The following SH3GL3 variants were observed in gnomAD, a reference collection of about 807,000 sequenced individuals.
SH3GL3 encodes SH3 domain containing GRB2 like 3, endophilin A3.
SH3GL3 carries 33 observed loss-of-function variants against 47.7 expected under a neutral mutation model. That is an observed-to-expected ratio of 0.69 (90% CI 0.52 to 0.92). The LOEUF (loss-of-function observed/expected upper bound fraction) is 0.92, where lower values mean the gene tolerates loss of function less well. SH3GL3 is among the 40% of genes least tolerant of loss of function. SH3GL3 has a pLI of 0.00. For synonymous variants in SH3GL3, 155 were observed against 148.8 expected (o/e 1.04, Z -0.30); for missense variants, 363 against 417.8 (o/e 0.87, Z 1.14).
rs774585415 is a variant in SH3GL3 at position 83,568,533 on chromosome 15, C to T, written c.192C>T (p.Tyr64=). Residue 64 remains tyrosine (Y), a synonymous_variant, in exon 4 of 9, where the codon TAC becomes TAT. Transcript: ENST00000427482. ...ACAAATGACAATGTTTTTAAGCATA[C>T]AGAGCTAAGCTAGGAATGCTGAACA... The part of the protein sequence containing the change: ...TTEYLQPNPA[Y]RAKLGMLNTV... 6 of 1,612,068 alleles carry T rather than the reference C, an allele frequency of 3.7e-6. No individual in the cohort carries two copies. The African/African-American group carries it at 8.0e-5, about 22-fold the overall frequency.
chr15:83,622,862 C>T (rs1001472870), downstream of SH3GL3, among the ~76,000 whole-genome samples: 5 of 152,244 alleles, frequency 3.3e-5, no homozygotes, highest in Non-Finnish European at 7.3e-5. Context: ...ATCGCCTCTC[C>T]TACTGGCCTC....
At chr15:83,462,329 T>G (rs182318920) in intron 1 of SH3GL3, among the ~76,000 whole-genome samples, 1 of 152,236 alleles carries the variant, frequency 6.6e-6, no homozygotes, top group South Asian at 2.1e-4. Flanking sequence ...CTTGACAGGA[T>G]AATGCCATAA....
Position 83,482,596 on chromosome 15 carries a change from C to T in SH3GL3, c.45+35018C>T, listed in dbSNP as rs142750689. On this transcript the variant is annotated intron_variant, in intron 1 of 8. Transcript: ENST00000427482. ...GCAGCCTCCACCTCCCAGGTTCAAG[C>T]GATTCTCCTGCCTCAGCCTCCGGAG... Among the ~76,000 whole-genome samples the T allele has an allele frequency of 6.8e-3, 1,038 of 151,906 alleles. 9 individuals are homozygous for T. Among genetic ancestry groups the T allele is most frequent in the African/African-American group, 0.024 (981 of 41,424 alleles).
intron 1 of SH3GL3, among the ~76,000 whole-genome samples, chr15:83,449,161 G>A (rs1482569520): frequency 6.6e-6 from 1 of 152,216 alleles, no homozygotes; most frequent in East Asian, 1.9e-4. Flanking sequence ...GTTTAGCCCA[G>A]TAATTGTTGA....
intron 1 of SH3GL3, among the ~76,000 whole-genome samples, chr15:83,491,077 A>G (rs2041853606): frequency 6.6e-6 from 1 of 152,186 alleles, no homozygotes. Flanking sequence ...TCTAATGTCT[A>G]ATGTGTGCTG....
intron 1 of SH3GL3, among the ~76,000 whole-genome samples, chr15:83,483,357 C>A (rs950954879): frequency 2.2e-4 from 34 of 152,310 alleles, no homozygotes; most frequent in African/African-American, 8.2e-4. Flanking sequence ...GATAGCCACT[C>A]ACCATGCATG....
At chr15:83,506,027 G>T (rs147878223) in intron 1 of SH3GL3, among the ~76,000 whole-genome samples, 2 of 152,160 alleles carry the variant, frequency 1.3e-5, no homozygotes, top group East Asian at 1.9e-4. Context: ...TTTGATAAAA[G>T]AAATTATTTT....
chr15:83,477,827 G>C (rs997292461), intron 1 of SH3GL3, among the ~76,000 whole-genome samples: 2 of 152,124 alleles, frequency 1.3e-5, no homozygotes, highest in Admixed American at 6.5e-5. Context: ...TTTGGAGTTT[G>C]TCATCAAAAT....
intron 2 of SH3GL3, 22 bp from the exon 3 acceptor site, chr15:83,565,112 T>G (rs2045471424): frequency 8.6e-7 from 1 of 1,164,508 alleles, no homozygotes; most frequent in African/African-American, 1.5e-5. Flanking sequence ...TTTACTAACT[T>G]TTTTTAAATT....
chr15:83,625,554 G>A, the SH3GL3 span, among the ~76,000 whole-genome samples: 1 of 152,114 alleles, frequency 6.6e-6, no homozygotes, highest in Non-Finnish European at 1.5e-5. Flanking sequence ...TCCTTTCGCT[G>A]TTGTGGTTAT....
intron 4 of SH3GL3, among the ~76,000 whole-genome samples, chr15:83,571,043 C>G (rs1392417386): frequency 6.6e-6 from 1 of 152,198 alleles, no homozygotes; most frequent in African/African-American, 2.4e-5. Flanking sequence ...GCATCAGGAA[C>G]AGATGGATTT....
At chr15:83,529,085 T>C (rs1596188217) in intron 1 of SH3GL3, among the ~76,000 whole-genome samples, 1 of 152,204 alleles carries the variant, frequency 6.6e-6, no homozygotes, top group African/African-American at 2.4e-5. Flanking sequence ...GCATGGTGTC[T>C]GTGATTGTCT....
rs1443049629 is a variant in SH3GL3, at chr15:83,447,876, A to G, written c.45+298A>G. Among the ~76,000 whole-genome samples the G allele has an allele frequency of 6.6e-6, 1 of 151,854 alleles. No homozygotes were observed. The highest frequency in any genetic ancestry group is 1.9e-4 in the East Asian group (1 of 5,156). ...GCGGGGACTCGGGAGGCGGAGACGG[A>G]GTGGGCGTGGGGGGGCCCCTACCCG... On this transcript the variant is annotated intron_variant, in intron 1 of 8. Transcript: ENST00000427482. This position sits in a 1 kb window ranked among gnomAD's most constrained non-coding sequence, Gnocchi z 5.1.
intron 3 of SH3GL3, among the ~76,000 whole-genome samples, chr15:83,566,702 T>C (rs1030694342): frequency 3.9e-5 from 6 of 152,086 alleles, no homozygotes; most frequent in African/African-American, 1.4e-4. Context: ...CTTGAACCCA[T>C]GAGTTTGTGG....
intron 1 of SH3GL3, among the ~76,000 whole-genome samples, chr15:83,506,882 G>T (rs2042529120): frequency 6.6e-6 from 1 of 151,970 alleles, no homozygotes. Flanking sequence ...GAAGGCTGGG[G>T]AGCATCGCAG....
At chr15:83,619,167 T>C (rs761826050), downstream of SH3GL3, among the ~76,000 whole-genome samples, 7 of 152,182 alleles carry the variant, frequency 4.6e-5, no homozygotes, top group Non-Finnish European at 1.0e-4. Context: ...AATCCTATTA[T>C]GTGAAGGGGC....
chr15:83,529,546 A>T (rs1449374296), intron 1 of SH3GL3, among the ~76,000 whole-genome samples: 1 of 152,040 alleles, frequency 6.6e-6, no homozygotes. Flanking sequence ...TGGGTGATGT[A>T]CTCAGGCACT....
intron 1 of SH3GL3, among the ~76,000 whole-genome samples, chr15:83,519,693 T>C (rs1002385575): frequency 6.6e-6 from 1 of 152,216 alleles, no homozygotes; most frequent in African/African-American, 2.4e-5. Flanking sequence ...GGACTTCCTC[T>C]TCCACTCTCT....
At chr15:83,559,049 A>C (rs541861121) in intron 1 of SH3GL3, among the ~76,000 whole-genome samples, 3 of 152,170 alleles carry the variant, frequency 2.0e-5, no homozygotes, top group Non-Finnish European at 4.4e-5. Flanking sequence ...GTGCATAATA[A>C]ATATCTGTTG....
Sources: allele counts gnomAD v4.1 joint callset (sites outside exome capture counted in the v4.1 genomes callset), GRCh38; gene constraint gnomAD v4.1.1; non-coding constraint Gnocchi (gnomAD v3.1); transcripts MANE v1.5; gene names NCBI Gene and HGNC (gene_info 2026-07-23, HGNC 2026-07-21).